WASF2: variants seen among roughly 807,000 people sequenced by gnomAD.
WASF2 encodes actin-binding protein WASF2.
A neutral mutation model predicts 45.0 loss-of-function variants in WASF2; 14 were observed. That is an observed-to-expected ratio of 0.31 (90% CI 0.21 to 0.49). The LOEUF (loss-of-function observed/expected upper bound fraction) is 0.49. WASF2 is among the 20% of genes least tolerant of loss of function. WASF2 has a pLI of 0.99. For synonymous variants in WASF2, 200 were observed against 236.3 expected (o/e 0.85, Z 1.41); for missense variants, 439 against 636.1 (o/e 0.69, Z 3.33).
chr1:27,465,697 C>T (rs1003926329), intron 1 of WASF2, among the ~76,000 whole-genome samples: 11 of 152,176 alleles, frequency 7.2e-5, no homozygotes, highest in African/African-American at 2.2e-4. Flanking sequence ...GGGCAGATTA[C>T]GGTACTAAAT....
At chr1:27,481,527 C>A (rs188286976) in intron 1 of WASF2, among the ~76,000 whole-genome samples, 1 of 152,008 alleles carries the variant, frequency 6.6e-6, no homozygotes, top group Non-Finnish European at 1.5e-5. Flanking sequence ...GACAAAACCC[C>A]GTCTCTACTA....
chr1:27,441,032 A>AAT (rs1379675033), intron 1 of WASF2, among the ~76,000 whole-genome samples: 2 of 151,322 alleles, frequency 1.3e-5, no homozygotes, highest in Non-Finnish European at 2.9e-5. Context: ...ACGCTCAGCT[A>AAT]ATTTTTTGTA....
intron 1 of WASF2, among the ~76,000 whole-genome samples, chr1:27,454,187 A>ATATTTTTT (rs1469446976): frequency 1.6e-4 from 2 of 12,776 alleles, no homozygotes; most frequent in Admixed American, 9.3e-4. Flanking sequence ...ATATATATAT[A>ATATTTTTT]TTTTTTTTTT....
intron 2 of WASF2, among the ~76,000 whole-genome samples, chr1:27,425,422 G>A (rs953877956): frequency 6.6e-6 from 1 of 152,236 alleles, no homozygotes; most frequent in South Asian, 2.1e-4. Context: ...TAAAATGAAG[G>A]CTGGGCGTGG....
At chr1:27,455,523 T>C (rs2017455299) in intron 1 of WASF2, among the ~76,000 whole-genome samples, 1 of 152,178 alleles carries the variant, frequency 6.6e-6, no homozygotes, top group Admixed American at 6.6e-5. Flanking sequence ...AGAGAGAATG[T>C]GTTATTTAAG....
intron 1 of WASF2, among the ~76,000 whole-genome samples, chr1:27,443,147 C>T (rs560951215): frequency 1.3e-5 from 2 of 148,474 alleles, no homozygotes; most frequent in Non-Finnish European, 3.0e-5. Flanking sequence ...CTGGGCAACA[C>T]AGTGAGACCC....
Position 27,417,926 on chromosome 1 carries a change from C to T in WASF2, c.419+343G>A, listed in dbSNP as rs528730933. ...GCCCCTGGGATCCATGCTGTAGGAC[C>T]GCCTTGTAACAAAGTCCTTTTGGTT... On this transcript the variant is annotated intron_variant, in intron 4 of 8. Transcript: ENST00000618852. Among the ~76,000 whole-genome samples the T allele has an allele frequency of 3.2e-3, 421 of 131,172 alleles. 3 individuals carry two copies. Among genetic ancestry groups the T allele is most frequent in the Middle Eastern group, 0.013 (3 of 240 alleles). The allele number at this position is 131,172 out of a possible 152,430, so 86.1% of individuals were successfully genotyped here. A position where few individuals can be genotyped will look rare whatever the true frequency, so the allele number is the denominator to read the frequency against.
intron 1 of WASF2, among the ~76,000 whole-genome samples, chr1:27,432,301 G>A (rs532647873): frequency 6.6e-6 from 1 of 152,038 alleles, no homozygotes; most frequent in African/African-American, 2.4e-5. Flanking sequence ...AATTTTCCTA[G>A]AGACATTAAA....
intron 1 of WASF2, among the ~76,000 whole-genome samples, chr1:27,435,891 AG>A (rs1038719858): frequency 2.0e-5 from 3 of 152,252 alleles, no homozygotes; most frequent in African/African-American, 7.2e-5. Context: ...ACATCCAAAA[AG>A]CAAACATATT....
At chr1:27,454,956 C>T (rs1557612841) in intron 1 of WASF2, among the ~76,000 whole-genome samples, 1 of 152,108 alleles carries the variant, frequency 6.6e-6, no homozygotes, top group Non-Finnish European at 1.5e-5. Flanking sequence ...TCCTGGTCCA[C>T]ATATGTAAAG....
intron 1 of WASF2, among the ~76,000 whole-genome samples, chr1:27,468,702 G>C (rs143568368): frequency 2.1e-5 from 3 of 144,938 alleles, no homozygotes; most frequent in African/African-American, 7.7e-5. Flanking sequence ...AAAAGAGGCC[G>C]GGCACGGTGG....
intron 1 of WASF2, among the ~76,000 whole-genome samples, chr1:27,467,858 A>C (rs1442000708): frequency 1.3e-5 from 2 of 151,810 alleles, no homozygotes; most frequent in Non-Finnish European, 2.9e-5. Flanking sequence ...GTTGCAGTAC[A>C]TCGAGATCAC....
chr1:27,441,706 A>G (rs559261750), intron 1 of WASF2, among the ~76,000 whole-genome samples: 2 of 133,952 alleles, frequency 1.5e-5, no homozygotes, highest in African/African-American at 5.6e-5. Context: ...GTGAGCCGAG[A>G]TTGCGCCACT....
intron 1 of WASF2, among the ~76,000 whole-genome samples, chr1:27,464,203 A>G (rs921467913): frequency 2.0e-5 from 3 of 148,792 alleles, no homozygotes; most frequent in Non-Finnish European, 4.5e-5. Flanking sequence ...AACATGGTGA[A>G]ACCCCATCTC....
intron 3 of WASF2, 88 bp downstream of exon 3, chr1:27,418,866 C>A: frequency 7.9e-7 from 1 of 1,261,038 alleles, no homozygotes; most frequent in Non-Finnish European, 1.1e-6. Flanking sequence ...TCTCTCCTCA[C>A]GTTTTTTTTT....
chr1:27,428,720 C>A (rs762564686), intron 2 of WASF2, 41 bp downstream of exon 2: 48 of 1,613,776 alleles, frequency 3.0e-5, no homozygotes, highest in Admixed American at 5.0e-5. Flanking sequence ...AGAGCACCAA[C>A]GACCCCTGAG....
chr1:27,478,275 C>CAA (rs765416697), intron 1 of WASF2, among the ~76,000 whole-genome samples: 130 of 49,948 alleles, frequency 2.6e-3, no homozygotes, highest in Non-Finnish European at 4.5e-3. Flanking sequence ...AATAGCAAAG[C>CAA]AAAAAAAAAA....
rs189733068 is a variant in WASF2, at chr1:27,418,866, C to T, written c.265+88G>A. ...TAGGTCTCTGTGATTTCTCTCCTCA[C>T]GTTTTTTTTTTTTTAAATAAATCAG... On this transcript the variant is annotated intron_variant, in intron 3 of 8. Coordinates refer to ENST00000618852, the MANE Select transcript of WASF2 (RefSeq NM_006990.5). The T allele has an allele frequency of 2.7e-3, 3,375 of 1,260,982 alleles. 8 individuals are homozygous for T. The highest frequency in any genetic ancestry group is 4.4e-3 in the Admixed American group (182 of 41,078). 78.1% of individuals were successfully genotyped at this position (1,260,982 alleles called of 1,614,324 possible).
intron 1 of WASF2, among the ~76,000 whole-genome samples, chr1:27,444,837 A>C (rs1191298593): frequency 6.6e-6 from 1 of 152,234 alleles, no homozygotes; most frequent in African/African-American, 2.4e-5. Flanking sequence ...TATTATCTGG[A>C]TTGTGGTATT....
Sources: gnomAD v4.1 joint callset for allele counts (sites outside exome capture counted in the v4.1 genomes callset) on GRCh38, gnomAD v4.1.1 for gene constraint, MANE v1.5 for transcripts, NCBI Gene and HGNC (gene_info 2026-07-23, HGNC 2026-07-21) for gene names.